FAM120B: variants seen among roughly 807,000 people sequenced by gnomAD.
FAM120B encodes constitutive coactivator of peroxisome proliferator-activated receptor gamma.
FAM120B carries 83 observed loss-of-function variants against 96.3 expected under a neutral mutation model. The observed-to-expected ratio is 0.86, with a 90% CI of 0.72 to 1.03. The LOEUF (loss-of-function observed/expected upper bound fraction) is 1.03, where lower values mean the gene tolerates loss of function less well. Among genes scored for constraint, FAM120B ranks in the 50% least tolerant of loss-of-function variants. FAM120B has a pLI of 0.00. For synonymous variants in FAM120B, 407 were observed against 402.7 expected, an observed-to-expected ratio of 1.01 and a Z score of -0.13; for missense variants, 1,027 against 1,121.2, an observed-to-expected ratio of 0.92 and a Z score of 1.20.
At chr6:170,333,227 G>A (rs1177365868) in intron 4 of FAM120B, among the ~76,000 whole-genome samples, 1 of 150,132 alleles carries the variant, frequency 6.7e-6, no homozygotes, top group East Asian at 2.0e-4. Flanking sequence ...ATTGGGAGGT[G>A]GGGCCTTTGG....
At chr6:170,331,565 T>A (rs964193441) in intron 4 of FAM120B, among the ~76,000 whole-genome samples, 1 of 152,238 alleles carries the variant, frequency 6.6e-6, no homozygotes, top group Non-Finnish European at 1.5e-5. Flanking sequence ...AGGAGCATTT[T>A]TTTAAAGGAT....
chr6:170,342,784 C>G (rs2115116574), intron 4 of FAM120B, among the ~76,000 whole-genome samples: 1 of 152,328 alleles, frequency 6.6e-6, no homozygotes, highest in African/African-American at 2.4e-5. Context: ...GGTGGGTGAC[C>G]TGGGGACCAG....
Position 170,406,342 on chromosome 6 carries a change from A to T in FAM120B, c.*1591A>T, listed in dbSNP as rs1289241062. 6.6e-6 allele frequency: 1 copy of T among 152,114 alleles called. No individual in the cohort carries two copies. Among genetic ancestry groups the T allele is most frequent in the Non-Finnish European group, 1.5e-5 (1 of 68,024 alleles). 9.4% of individuals were successfully genotyped at this position (152,114 alleles called of 1,614,324 possible). ...GTGCTCACCCCTGGCACCTAAAGAC[A>T]TTTCCTTCTGGTTGTTGCTCTTTAA... On this transcript the variant is annotated 3_prime_UTR_variant, in exon 11 of 11. Coordinates refer to ENST00000476287, the MANE Select transcript of FAM120B (RefSeq NM_032448.3).
intron 6 of FAM120B, among the ~76,000 whole-genome samples, 188 bp from the exon 7 acceptor site, chr6:170,388,099 G>A (rs1249213875): frequency 6.6e-6 from 1 of 152,230 alleles, no homozygotes; most frequent in Non-Finnish European, 1.5e-5. Flanking sequence ...GTCAGCTGAG[G>A]TTGTTTCCAA....
intron 6 of FAM120B, among the ~76,000 whole-genome samples, chr6:170,372,838 T>C (rs3734765): frequency 1.3e-5 from 2 of 152,242 alleles, no homozygotes; most frequent in African/African-American, 4.8e-5. Context: ...AGAATTTTAG[T>C]TATAAAATCA....
chr6:170,330,411 G>A (rs1462870516), intron 3 of FAM120B, 38 bp from the exon 4 acceptor site: 3 of 1,518,820 alleles, frequency 2.0e-6, no homozygotes. Context: ...GGCGATGCAT[G>A]CCCTCATGCA....
chr6:170,320,535 G>T (rs1785217442), intron 2 of FAM120B, among the ~76,000 whole-genome samples: 1 of 152,188 alleles, frequency 6.6e-6, no homozygotes, highest in South Asian at 2.1e-4. Context: ...TGCTGTGGAG[G>T]TGAAGTTCCT....
intron 5 of FAM120B, among the ~76,000 whole-genome samples, chr6:170,355,418 G>A (rs1478693185): frequency 6.6e-6 from 1 of 152,168 alleles, no homozygotes; most frequent in East Asian, 1.9e-4. Context: ...CCTTTGCAGG[G>A]ACATGGATGG....
chr6:170,360,568 C>A (rs1248985997), intron 6 of FAM120B, among the ~76,000 whole-genome samples: 3 of 152,212 alleles, frequency 2.0e-5, no homozygotes, highest in African/African-American at 4.8e-5. Context: ...GAGGCCACTT[C>A]CCCTCAGCCA....
chr6:170,404,485 C>T, intron 9 of FAM120B, 65 bp from the exon 10 acceptor site: 1 of 1,380,018 alleles, frequency 7.2e-7, no homozygotes. Flanking sequence ...AAATGTGCAG[C>T]ATTCTTGTTT....
At chr6:170,404,387 A>G (rs1778727956) in intron 9 of FAM120B, 163 bp from the exon 10 acceptor site, 2 of 553,490 alleles carry the variant, frequency 3.6e-6, no homozygotes, top group South Asian at 2.6e-5. Context: ...TAATTATGGA[A>G]CACAGTTTTA....
At chr6:170,381,317 G>A (rs1386995175) in intron 6 of FAM120B, among the ~76,000 whole-genome samples, 4 of 152,136 alleles carry the variant, frequency 2.6e-5, no homozygotes, top group Non-Finnish European at 5.9e-5. Flanking sequence ...AAAAGCACAG[G>A]TGACCACAAC....
intron 4 of FAM120B, 31 bp downstream of exon 4, chr6:170,330,581 A>T: frequency 1.3e-6 from 2 of 1,484,186 alleles, no homozygotes; most frequent in East Asian, 4.5e-5. Flanking sequence ...AATGAACCAC[A>T]GATCTTTCCA....
chr6:170,333,463 G>C (rs1321357665), intron 4 of FAM120B, among the ~76,000 whole-genome samples: 1 of 151,738 alleles, frequency 6.6e-6, no homozygotes. Context: ...CCAAGACACT[G>C]GTTTGTTTTA....
At chr6:170,304,886 G>A (rs1052223053), upstream of FAM120B, among the ~76,000 whole-genome samples, 1 of 152,190 alleles carries the variant, frequency 6.6e-6, no homozygotes, top group East Asian at 1.9e-4. Context: ...CTACAGCAAA[G>A]TACCATAGAC....
intron 1 of FAM120B, among the ~76,000 whole-genome samples, chr6:170,315,012 G>A (rs547586406): frequency 6.6e-6 from 1 of 152,370 alleles, no homozygotes; most frequent in African/African-American, 2.4e-5. Context: ...GCTGACCACA[G>A]TGGGCGTGCG....
At chr6:170,348,940 A>G (rs1787395607) in intron 5 of FAM120B, among the ~76,000 whole-genome samples, 1 of 152,112 alleles carries the variant, frequency 6.6e-6, no homozygotes. Flanking sequence ...GTAGTGGTAG[A>G]TCCTTCATTT....
At chr6:170,383,468 A>G (rs1314407755) in intron 6 of FAM120B, among the ~76,000 whole-genome samples, 1 of 152,252 alleles carries the variant, frequency 6.6e-6, no homozygotes, top group Non-Finnish European at 1.5e-5. Context: ...AACATTAAAA[A>G]CAATCCAGTT....
At chr6:170,317,163 A>T (rs1445482680) in intron 1 of FAM120B, among the ~76,000 whole-genome samples, 1 of 152,214 alleles carries the variant, frequency 6.6e-6, no homozygotes, top group African/African-American at 2.4e-5. Flanking sequence ...TGAAAGTCCA[A>T]CTCAAGTAAT....
Sources: gnomAD v4.1 joint callset for allele counts (sites outside exome capture counted in the v4.1 genomes callset) on GRCh38, gnomAD v4.1.1 for gene constraint, MANE v1.5 for transcripts, NCBI Gene and HGNC (gene_info 2026-07-23, HGNC 2026-07-21) for gene names.